The following HMGCS1 variants were observed in gnomAD, a reference collection of about 807,000 sequenced individuals.
The protein encoded by HMGCS1 is 3-hydroxy-3-methylglutaryl-CoA synthase 1.
A neutral mutation model predicts 52.3 loss-of-function variants in HMGCS1; 9 were observed. The ratio of observed to expected loss-of-function variants is 0.17; its 90% CI spans 0.10 to 0.30. HMGCS1 has a LOEUF of 0.30. Among genes scored for constraint, HMGCS1 ranks in the 10% least tolerant of loss-of-function variants. HMGCS1 has a pLI of 1.00. For synonymous variants in HMGCS1, 176 were observed against 214.4 expected (o/e 0.82, Z 1.57); for missense variants, 320 against 620.9 (o/e 0.52, Z 5.15).
At position 43,300,424 on chromosome 5, in the gene HMGCS1, A is replaced by G. The variant is rs531263219; in HGVS notation, c.-10-1449T>C. ...TGTATGACTTGTTTGTCAACCCATC[A>G]CTAATTTGATACTTAAAAATGAAAG... On this transcript the variant is annotated intron_variant, in intron 2 of 10. Coordinates refer to ENST00000325110, the MANE Select transcript of HMGCS1 (RefSeq NM_001098272.3). Among the ~76,000 whole-genome samples the G allele has an allele frequency of 2.0e-5, 3 of 152,284 alleles. No individual in the cohort carries two copies. The East Asian group carries it at 5.8e-4, about 29-fold the overall frequency.
chr5:43,302,138 A>G (rs1233161987), intron 2 of HMGCS1, among the ~76,000 whole-genome samples: 1 of 152,172 alleles, frequency 6.6e-6, no homozygotes, highest in Non-Finnish European at 1.5e-5. Context: ...TGGTTTTCCT[A>G]TCTACTTCCT....
intron 1 of HMGCS1, among the ~76,000 whole-genome samples, chr5:43,310,539 C>T (rs1469902489): frequency 6.6e-6 from 1 of 152,140 alleles, no homozygotes; most frequent in Non-Finnish European, 1.5e-5. Context: ...TTTTCAGTGG[C>T]TGAATTTGGA....
intron 2 of HMGCS1, among the ~76,000 whole-genome samples, chr5:43,301,946 C>T (rs775085337): frequency 2.0e-5 from 3 of 152,226 alleles, no homozygotes; most frequent in Non-Finnish European, 2.9e-5. Context: ...GAGATCCTCT[C>T]CACTTTGTTC....
At chr5:43,300,922 T>G (rs1249832254) in intron 2 of HMGCS1, among the ~76,000 whole-genome samples, 1 of 151,994 alleles carries the variant, frequency 6.6e-6, no homozygotes, top group East Asian at 1.9e-4. Flanking sequence ...ATACTAAACA[T>G]TAGGGATGCT....
intron 4 of HMGCS1, 61 bp downstream of exon 4, chr5:43,297,948 A>G: frequency 6.5e-7 from 1 of 1,531,998 alleles, no homozygotes; most frequent in Admixed American, 1.9e-5. Context: ...TCCTACTTCT[A>G]TTTTCAAATT....
chr5:43,304,525 A>G (rs1754469540), intron 2 of HMGCS1, among the ~76,000 whole-genome samples: 1 of 152,238 alleles, frequency 6.6e-6, no homozygotes, highest in South Asian at 2.1e-4. Context: ...AAAAGTTATA[A>G]TGCAAGGCTT....
chr5:43,308,741 T>C (rs1056502516), intron 1 of HMGCS1, among the ~76,000 whole-genome samples: 1 of 152,222 alleles, frequency 6.6e-6, no homozygotes, highest in Admixed American at 6.5e-5. Context: ...CTGGCAAATT[T>C]AGCATCTGCC....
In HMGCS1 at chr5:43,308,865, C is replaced by T. The variant is rs997121436; in HGVS notation, c.-69-1041G>A. 2.1e-4 allele frequency among the ~76,000 whole-genome samples: 32 copies of T among 152,042 alleles called. 1 individual carries two copies. Among genetic ancestry groups the T allele is most frequent in the Admixed American group, 2.1e-3 (32 of 15,276 alleles). ...TCTTCAGTCGTAGCGCCTTTTACTT[C>T]ATTAACTAAGTTTACTACCCACCTA... On this transcript the variant is annotated intron_variant, in intron 1 of 10. Transcript: ENST00000325110.
At position 43,289,162 on chromosome 5, in the gene HMGCS1, T is replaced by C. The variant is rs1032008622; in HGVS notation, c.*1969A>G. ...ATAATTATCAGTGTAAATTCCTCCA[T>C]TCTAGATGAACAGCTCCTTAAAGAC... On this transcript the variant is annotated 3_prime_UTR_variant, in exon 11 of 11. Transcript: ENST00000325110. 1 of 152,244 alleles carries C rather than the reference T, an allele frequency of 6.6e-6. No individual in the cohort carries two copies. The highest frequency in any genetic ancestry group is 1.5e-5 in the Non-Finnish European group (1 of 68,042). 9.4% of individuals were successfully genotyped at this position (152,244 alleles called of 1,614,324 possible).
intron 2 of HMGCS1, among the ~76,000 whole-genome samples, chr5:43,307,302 A>C (rs2111732998): frequency 6.6e-6 from 1 of 151,680 alleles, no homozygotes; most frequent in South Asian, 2.1e-4. Context: ...CAAATTCCTG[A>C]CCTCAGGTGA....
chr5:43,306,255 T>C (rs1754570228), intron 2 of HMGCS1, among the ~76,000 whole-genome samples: 2 of 152,134 alleles, frequency 1.3e-5, no homozygotes, highest in Non-Finnish European at 1.5e-5. Context: ...AAAAGACCTA[T>C]ATAGTTATTC....
chr5:43,296,018 G>T, intron 5 of HMGCS1, 101 bp from the exon 6 acceptor site: 1 of 786,204 alleles, frequency 1.3e-6, no homozygotes, highest in Non-Finnish European at 2.1e-6. Context: ...TGTTTAAACA[G>T]CAACCACAAA....
intron 2 of HMGCS1, among the ~76,000 whole-genome samples, chr5:43,299,629 G>A (rs1754209705): frequency 6.7e-6 from 1 of 150,156 alleles, no homozygotes; most frequent in Non-Finnish European, 1.5e-5. Context: ...CAGCCTGGGT[G>A]ACAGAGCAAG....
At chr5:43,303,326 G>T (rs1754408576) in intron 2 of HMGCS1, among the ~76,000 whole-genome samples, 1 of 152,174 alleles carries the variant, frequency 6.6e-6, no homozygotes, top group African/African-American at 2.4e-5. Context: ...CATGAGAATG[G>T]GGCCCTCATG....
At chr5:43,296,798 T>C (rs1177056584) in intron 5 of HMGCS1, among the ~76,000 whole-genome samples, 2 of 152,236 alleles carry the variant, frequency 1.3e-5, no homozygotes, top group Non-Finnish European at 2.9e-5. Flanking sequence ...TTTGCAGAGA[T>C]ACACCTCAGT....
intron 2 of HMGCS1, 83 bp from the exon 3 acceptor site, chr5:43,299,058 A>G (rs1561117354): frequency 1.0e-6 from 1 of 1,001,350 alleles, no homozygotes; most frequent in African/African-American, 1.6e-5. Context: ...AATAGATATT[A>G]AGAGTTTAGC....
intron 1 of HMGCS1, among the ~76,000 whole-genome samples, chr5:43,310,946 C>A (rs557899690): frequency 6.6e-6 from 1 of 152,294 alleles, no homozygotes. Context: ...AAAGATTAGC[C>A]TCTCCGCTAC....
At chr5:43,299,644 C>T (rs553667433) in intron 2 of HMGCS1, among the ~76,000 whole-genome samples, 10 of 146,374 alleles carry the variant, frequency 6.8e-5, no homozygotes, top group African/African-American at 2.0e-4. Context: ...AGCAAGACTC[C>T]GTCTCAAAAA....
intron 5 of HMGCS1, among the ~76,000 whole-genome samples, chr5:43,296,147 G>A (rs1377636343): frequency 1.3e-5 from 2 of 151,832 alleles, no homozygotes; most frequent in African/African-American, 4.8e-5. Context: ...CACATTAGCA[G>A]GTTACATAAT....
Sources: allele counts gnomAD v4.1 joint callset (sites outside exome capture counted in the v4.1 genomes callset), GRCh38; gene constraint gnomAD v4.1.1; transcripts MANE v1.5; gene names NCBI Gene and HGNC (gene_info 2026-07-23, HGNC 2026-07-21).